The following TICAM1 variants were observed in gnomAD, a reference collection of about 807,000 sequenced individuals.
TICAM1 encodes the protein TIR domain containing adaptor molecule 1, also known as TIR domain-containing adapter molecule 1.
For missense variants in TICAM1, 895 were observed against 938.2 expected, an observed-to-expected ratio of 0.95 and a Z score of 0.60; for synonymous variants, 439 against 415.4, an observed-to-expected ratio of 1.06 and a Z score of -0.69.
In TICAM1 at chr19:4,817,820, C is replaced by T. The variant is rs768828649; in HGVS notation, c.558G>A (p.Ser186=). The change falls in exon 2 of 2, where the codon TCG becomes TCA. Residue 186 remains serine, a synonymous_variant. Coordinates refer to ENST00000248244, the MANE Select transcript of TICAM1 (RefSeq NM_182919.4). This position sits in a 1 kb window ranked among gnomAD's most constrained non-coding sequence, Gnocchi z 4.7. ...GCAGGGAGCACCCTTGGCTCCAGTC[C>T]GAAACACCGTCAATGGGGCGTGGGA... The part of the protein sequence containing the change: ...RSLPRPIDGV[S]DWSQGCSLRS... 4.5e-5 allele frequency: 72 copies of T among 1,603,792 alleles called. No individual in the cohort carries two copies. The highest frequency in any genetic ancestry group is 1.7e-4 in the Middle Eastern group (1 of 6,056).
intron 1 of TICAM1, among the ~76,000 whole-genome samples, chr19:4,822,333 C>T (rs886798234): frequency 4.6e-5 from 7 of 152,040 alleles, no homozygotes; most frequent in African/African-American, 1.7e-4. Context: ...ACCTCCACCT[C>T]CCAGGTTCAA....
At position 4,822,134 on chromosome 19, in the gene TICAM1, C is replaced by T. The variant is rs147345615; in HGVS notation, c.-139-3618G>A. On this transcript the variant is annotated intron_variant, in intron 1 of 1. Transcript: ENST00000248244. ...ATTTTTAGTAGAGACGGGGTTTCTC[C>T]GTGTTGGCCAGGCTGGTCTTGAACT... Among the ~76,000 whole-genome samples, 706 of 151,586 alleles carry T rather than the reference C, an allele frequency of 4.7e-3. 3 individuals are homozygous for T. Among genetic ancestry groups the T allele is most frequent in the African/African-American group, 0.016 (665 of 41,312 alleles).
At chr19:4,822,319 T>G (rs1471294181) in intron 1 of TICAM1, among the ~76,000 whole-genome samples, 9 of 145,278 alleles carry the variant, frequency 6.2e-5, no homozygotes, top group Non-Finnish European at 1.2e-4. Flanking sequence ...CTTGGCTCAC[T>G]GCAACCTCCA....
intron 1 of TICAM1, among the ~76,000 whole-genome samples, chr19:4,826,883 A>T (rs1433976663): frequency 2.6e-5 from 4 of 152,106 alleles, no homozygotes; most frequent in Non-Finnish European, 5.9e-5. Context: ...GGACCTGGTT[A>T]TGGGGCCTGA....
chr19:4,826,813 C>A (rs1004982258), intron 1 of TICAM1, among the ~76,000 whole-genome samples: 8 of 152,158 alleles, frequency 5.3e-5, no homozygotes, highest in East Asian at 3.9e-4. Flanking sequence ...GTTCTAGAAT[C>A]CACTGAGCTT....
In TICAM1 at chr19:4,817,163, G is replaced by A. The variant is rs906910043; in HGVS notation, c.1215C>T (p.Asp405=). ...YNFVILHARA[D]EHIALRVREK... is the part of the protein sequence containing the mutation. ...CCCGAACCCGCAGGGCGATGTGTTC[G>A]TCTGCCCTGGCGTGGAGGATCACAA... The change falls in exon 2 of 2, where the codon GAC becomes GAT. Residue 405 remains aspartate (D), a synonymous_variant. Transcript: ENST00000248244. The surrounding 1 kb of genome is among the most constrained non-coding windows in gnomAD (Gnocchi z 4.7). The A allele has an allele frequency of 2.5e-6, 4 of 1,614,076 alleles. No individual in the cohort carries two copies. The highest frequency in any genetic ancestry group is 1.3e-5 in the African/African-American group (1 of 74,926).
At chr19:4,820,689 C>A (rs934811285) in intron 1 of TICAM1, among the ~76,000 whole-genome samples, 2 of 150,904 alleles carry the variant, frequency 1.3e-5, no homozygotes, top group African/African-American at 4.9e-5. Flanking sequence ...ATGGTGAAAC[C>A]CTGTCTCTAC....
intron 1 of TICAM1, among the ~76,000 whole-genome samples, chr19:4,830,964 G>A (rs1433436638): frequency 2.0e-5 from 3 of 152,216 alleles, no homozygotes; most frequent in East Asian, 1.9e-4. Context: ...CTGGATAACC[G>A]TTAGGAGGGG....
At chr19:4,824,031 T>G (rs1381778247) in intron 1 of TICAM1, among the ~76,000 whole-genome samples, 1 of 151,246 alleles carries the variant, frequency 6.6e-6, no homozygotes, top group Non-Finnish European at 1.5e-5. Context: ...TTTTTTAGGA[T>G]GAAGTCTTGC....
intron 1 of TICAM1, among the ~76,000 whole-genome samples, chr19:4,824,844 A>G (rs1469154021): frequency 4.6e-5 from 7 of 151,828 alleles, no homozygotes; most frequent in Admixed American, 1.3e-4. Flanking sequence ...GAGGTGGGAG[A>G]ATCACCTGAA....
rs945545750 is a variant in TICAM1 at position 4,816,459 on chromosome 19, G to C, written c.1919C>G (p.Thr640Ser). 1.3e-6 allele frequency: 2 copies of C among 1,553,828 alleles called. No individual in the cohort carries two copies. Among genetic ancestry groups the C allele is most frequent in the Admixed American group, 1.9e-5 (1 of 51,806 alleles). Reference protein sequence around the residue: ...PPPLHAWQAGTPPPPSPQPAA... With the variant: ...PPPLHAWQAGSPPPPSPQPAA... ...TGGCTGTGGGGAGGGCGGTGGGGGG[G>C]TGCCAGCCTGCCATGCGTGCAGGGG... is the stretch of plus-strand genomic sequence containing the variant. The change falls in exon 2 of 2, where the codon ACC becomes AGC. Residue 640 changes from threonine (T) to serine (S), a missense_variant. Physicochemically the swap from Thr to Ser is moderately conservative, Grantham distance 58. Coordinates refer to ENST00000248244, the MANE Select transcript of TICAM1 (RefSeq NM_182919.4). The surrounding 1 kb of genome is among the most constrained non-coding windows in gnomAD (Gnocchi z 4.3).
intron 1 of TICAM1, among the ~76,000 whole-genome samples, chr19:4,823,392 G>C (rs2093600845): frequency 6.6e-6 from 1 of 151,524 alleles, no homozygotes; most frequent in African/African-American, 2.4e-5. Flanking sequence ...GTGAACCTGG[G>C]AGGCGGAGCT....
intron 1 of TICAM1, among the ~76,000 whole-genome samples, chr19:4,829,921 C>T (rs538105749): frequency 6.7e-6 from 1 of 149,176 alleles, no homozygotes; most frequent in African/African-American, 2.5e-5. Context: ...AGTGATTCTC[C>T]TGCCTCATCC....
chr19:4,827,245 G>T (rs1599147759), intron 1 of TICAM1, among the ~76,000 whole-genome samples: 1 of 151,510 alleles, frequency 6.6e-6, no homozygotes, highest in East Asian at 1.9e-4. Flanking sequence ...CAGCTATTCG[G>T]GAGGCTGAGG....
intron 1 of TICAM1, among the ~76,000 whole-genome samples, chr19:4,830,296 C>A (rs1196833166): frequency 4.0e-5 from 6 of 151,858 alleles, no homozygotes; most frequent in Non-Finnish European, 7.4e-5. Context: ...CCCATGTTAC[C>A]CAGGATCCTG....
In TICAM1 at chr19:4,817,330, G is replaced by C; in HGVS notation, c.1048C>G (p.Pro350Ala). Residue 350 changes from proline to alanine, a missense_variant, in exon 2 of 2, where the codon CCA becomes GCA. Physicochemically the swap from Pro to Ala is conservative, Grantham distance 27 (BLOSUM62 -1). Transcript: ENST00000248244. The surrounding 1 kb of genome is among the most constrained non-coding windows in gnomAD (Gnocchi z 4.7). Reference sequence around the variant, plus strand: ...GTTTCTGGGGTGGTGGGAGTAGGTGGGCACGGCTTGGTATTTGGAGAGGTG... The same window carrying C: ...GTTTCTGGGGTGGTGGGAGTAGGTGCGCACGGCTTGGTATTTGGAGAGGTG... ...DTTSPNTKPC[P>A]PTPTTPETSP... 6.2e-7 allele frequency: 1 copy of C among 1,613,926 alleles called. No individual in the cohort carries two copies.
At position 4,816,973 on chromosome 19, in the gene TICAM1, C is replaced by T. The variant is rs986785530; in HGVS notation, c.1405G>A (p.Val469Met). Residue 469 changes from valine (V) to methionine (M), a missense_variant, in exon 2 of 2, where the codon GTG (valine) becomes ATG (methionine). By Grantham distance (21) the Val-to-Met change is conservative. Transcript: ENST00000248244. This position sits in a 1 kb window ranked among gnomAD's most constrained non-coding sequence, Gnocchi z 4.3. ...AGGTTGCTCATCATGGCTTGGTTCA[C>T]CTGGTGCAGGCTCAGGCGACAGTCG... ...NFDCRLSLHQ[V>M]NQAMMSNLTR... 2 of 1,614,122 alleles carry T rather than the reference C, an allele frequency of 1.2e-6. No individual in the cohort carries two copies. Among genetic ancestry groups the T allele is most frequent in the Non-Finnish European group, 1.7e-6 (2 of 1,180,030 alleles).
rs1451201398 is a variant in TICAM1 at position 4,818,721 on chromosome 19, G to C, written c.-139-205C>G. On this transcript the variant is annotated intron_variant, in intron 1 of 1. Transcript: ENST00000248244. The surrounding 1 kb of genome is among the most constrained non-coding windows in gnomAD (Gnocchi z 4.0). ...GTGGTGGCTCAGGCCTGTGATCTCAGCACTTTGGGAGGCTGAAGCAGGAGG... is the reference window on the plus strand; with the variant it reads ...GTGGTGGCTCAGGCCTGTGATCTCACCACTTTGGGAGGCTGAAGCAGGAGG... 2.0e-5 allele frequency among the ~76,000 whole-genome samples: 3 copies of C among 152,202 alleles called. No individual in the cohort carries two copies. Among genetic ancestry groups the C allele is most frequent in the African/African-American group, 7.2e-5 (3 of 41,464 alleles).
In TICAM1 at chr19:4,816,196, G is replaced by C; in HGVS notation, c.*43C>G. ...CTCTATGGGGTCCTGGCCGATGCCT[G>C]GGTCCAGGGGTGTTCCCCAGGTGGT... On this transcript the variant is annotated 3_prime_UTR_variant, in exon 2 of 2. Transcript: ENST00000248244. The surrounding 1 kb of genome is among the most constrained non-coding windows in gnomAD (Gnocchi z 4.3). The C allele has an allele frequency of 6.8e-7, 1 of 1,463,018 alleles. No individual in the cohort carries two copies. The highest frequency in any genetic ancestry group is 2.4e-5 in the East Asian group (1 of 41,972). 90.6% of individuals were successfully genotyped at this position (1,463,018 alleles called of 1,614,324 possible).
Sources: allele counts gnomAD v4.1 joint callset (sites outside exome capture counted in the v4.1 genomes callset), GRCh38; gene constraint gnomAD v4.1.1; non-coding constraint Gnocchi (gnomAD v3.1); transcripts MANE v1.5; gene names NCBI Gene and HGNC (gene_info 2026-07-23, HGNC 2026-07-21).